UCKL1: variants seen among roughly 807,000 people sequenced by gnomAD.
The protein encoded by UCKL1 is uridine-cytidine kinase-like 1.
In UCKL1, 65 loss-of-function variants were observed where a neutral mutation model predicts 59.2. That is an observed-to-expected ratio of 1.10 (90% CI 0.90 to 1.35). UCKL1 has a LOEUF of 1.35. UCKL1 is among the 40% of genes most tolerant of loss of function. The pLI is 0.00. For missense variants in UCKL1, 703 were observed against 784.3 expected (o/e 0.90, Z 1.24); for synonymous variants, 410 against 323.1 (o/e 1.27, Z -2.88).
chr20:63,944,396 C>T lies in UCKL1; in HGVS notation c.906+1G>A, dbSNP rs2055555073. Reference sequence around the variant, plus strand: ...CCGTGGGGACGTGGGACCCCGCTCACCTCCTCCAGCTGGCTGTGCACGTGC... The same window carrying T: ...CCGTGGGGACGTGGGACCCCGCTCATCTCCTCCAGCTGGCTGTGCACGTGC... On this transcript the variant is annotated splice_donor_variant, in intron 7 of 14. Coordinates refer to ENST00000354216, the MANE Select transcript of UCKL1 (RefSeq NM_017859.4). LOFTEE classifies it high-confidence loss of function. 1.3e-6 allele frequency: 2 copies of T among 1,559,826 alleles called. No homozygotes were observed. Among genetic ancestry groups the T allele is most frequent in the Non-Finnish European group, 1.7e-6 (2 of 1,153,206 alleles).
chr20:63,950,157 T>C (rs940661657), intron 1 of UCKL1, among the ~76,000 whole-genome samples: 5 of 152,166 alleles, frequency 3.3e-5, no homozygotes, highest in African/African-American at 9.7e-5. Flanking sequence ...GAAGCCCGCC[T>C]CACCGCAGGC....
chr20:63,943,027 C>T (rs1455319650), intron 8 of UCKL1, among the ~76,000 whole-genome samples: 1 of 152,208 alleles, frequency 6.6e-6, no homozygotes, highest in East Asian at 1.9e-4. Context: ...CCACAGAAGG[C>T]AGGGAGAAGG....
chr20:63,946,629 G>T lies in UCKL1; in HGVS notation c.128C>A (p.Ser43Tyr). ...CACAGGTGGCAGGAGCCTGTCCAGG[G>T]ACTCTGCATTGCTGCTGCAGAGAGG... ...TACEDRSNAE[S>Y]LDRLLPPVGT... The change falls in exon 2 of 15, where the codon TCC becomes TAC. Residue 43 changes from serine to tyrosine, a missense_variant. By Grantham distance (144) the Ser-to-Tyr change is moderately radical. Transcript: ENST00000354216. The T allele has an allele frequency of 6.2e-7, 1 of 1,608,796 alleles. No individual in the cohort carries two copies.
At chr20:63,956,084 C>T (rs1330356226) in intron 1 of UCKL1, 176 bp downstream of exon 1, 7 of 555,492 alleles carry the variant, frequency 1.3e-5, no homozygotes, top group Non-Finnish European at 2.0e-5. Context: ...TCCGTCCTCC[C>T]GGCCGCTTCA....
intron 8 of UCKL1, 125 bp from the exon 9 acceptor site, chr20:63,941,333 G>C: frequency 7.1e-7 from 1 of 1,404,590 alleles, no homozygotes; most frequent in Non-Finnish European, 9.6e-7. Flanking sequence ...GAGGTGCAGA[G>C]CGGGCCTGAC....
At chr20:63,946,725 C>A in intron 1 of UCKL1, 82 bp from the exon 2 acceptor site, 15 of 386,498 alleles carry the variant, frequency 3.9e-5, no homozygotes, top group Non-Finnish European at 5.6e-5. Context: ...CCACAGGGCA[C>A]CCCCCCCACC....
Position 63,945,796 on chromosome 20 carries a change from C to CT in UCKL1, c.582+8dup, listed in dbSNP as rs1271023464. ...CCCCCGAGGCCCCCTCTGCAGGGCC[C>CT]TGGCCTACCCAGTCCTTCTTCCGGC... On this transcript the variant is annotated intron_variant, in intron 4 of 14. Transcript: ENST00000354216. 1 of 1,613,512 alleles carries CT rather than the reference C, an allele frequency of 6.2e-7. No homozygotes were observed. The highest frequency in any genetic ancestry group is 1.3e-5 in the African/African-American group (1 of 75,054).
intron 7 of UCKL1, among the ~76,000 whole-genome samples, chr20:63,943,949 T>A (rs879430641): frequency 2.4e-4 from 36 of 152,076 alleles, no homozygotes; most frequent in Non-Finnish European, 4.6e-4. Context: ...CCACTCAGGC[T>A]CCAAGGCCCA....
In UCKL1 at chr20:63,946,087, G is replaced by A; in HGVS notation, c.411+74C>T. The A allele has an allele frequency of 2.5e-6, 4 of 1,608,288 alleles. No homozygotes were observed. In the Admixed American group the frequency reaches 6.7e-5, roughly 27 times the overall value. ...CAGCCACGCTGGGGCTGAGACCAGG[G>A]ACCTACTTTTGCAGGGGGTCCAGGG... On this transcript the variant is annotated intron_variant, in intron 3 of 14. Coordinates refer to ENST00000354216, the MANE Select transcript of UCKL1 (RefSeq NM_017859.4).
chr20:63,947,008 C>T (rs868339021), intron 1 of UCKL1, among the ~76,000 whole-genome samples: 7 of 151,882 alleles, frequency 4.6e-5, no homozygotes, highest in South Asian at 2.1e-4. Flanking sequence ...GGCTTGAACC[C>T]GGGAGGTGGA....
At chr20:63,941,671 G>T (rs1273751515) in intron 8 of UCKL1, 3 of 216,524 alleles carry the variant, frequency 1.4e-5, no homozygotes, top group East Asian at 1.8e-4. Flanking sequence ...CCTCAAGAGA[G>T]GGGGGTGGGG....
intron 5 of UCKL1, 73 bp from the exon 6 acceptor site, chr20:63,944,807 C>A (rs2146493755): frequency 6.4e-7 from 1 of 1,558,588 alleles, no homozygotes; most frequent in East Asian, 2.3e-5. Flanking sequence ...CCAGCCCCTG[C>A]ACTGAGGCCG....
In UCKL1 at chr20:63,946,479, G is replaced by T. The variant is rs138290089; in HGVS notation, c.278C>A (p.Thr93Lys). The change falls in exon 2 of 15, where the codon ACG becomes AAG. Residue 93 changes from threonine (T) to lysine (K), a missense_variant. Coordinates refer to ENST00000354216, the MANE Select transcript of UCKL1 (RefSeq NM_017859.4). ...GRPPWYNEHG[T>K]QSKEAFAIGL... ...GATGGCGAAGGCCTCTTTGGATTGC[G>T]TGCCGTGTTCATTGTACCAGGGCGG... The T allele has an allele frequency of 6.4e-7, 1 of 1,573,768 alleles. No homozygotes were observed. Among genetic ancestry groups the T allele is most frequent in the Non-Finnish European group, 8.6e-7 (1 of 1,159,354 alleles).
In UCKL1 at chr20:63,946,516, T is replaced by C; in HGVS notation, c.241A>G (p.Thr81Ala). The change falls in exon 2 of 15, where the codon ACC becomes GCC. Residue 81 changes from threonine to alanine, a missense_variant. Coordinates refer to ENST00000354216, the MANE Select transcript of UCKL1 (RefSeq NM_017859.4). ...LLRTSKRTIY[T>A]AGRPPWYNEH... ...TTGTACCAGGGCGGCCGCCCGGCGG[T>C]GTAGATGGTACGCTTGCTTGTACGC... is the stretch of plus-strand genomic sequence containing the variant. The C allele has an allele frequency of 6.2e-7, 1 of 1,601,754 alleles. No individual in the cohort carries two copies. Among genetic ancestry groups the C allele is most frequent in the Non-Finnish European group, 8.5e-7 (1 of 1,174,418 alleles).
intron 1 of UCKL1, chr20:63,951,030 C>T (rs1389706677): frequency 1.0e-5 from 13 of 1,250,386 alleles, no homozygotes; most frequent in East Asian, 9.7e-5. Flanking sequence ...GGTGCAGAGC[C>T]GGGTGGCTGG....
chr20:63,942,566 CAA>C (rs1393464408), intron 8 of UCKL1: 1 of 972,222 alleles, frequency 1.0e-6, no homozygotes, highest in African/African-American at 1.7e-5. Flanking sequence ...AGGAAGAGAA[CAA>C]AGAGAAGGCT....
rs35264801 is a variant in UCKL1 at position 63,940,064 on chromosome 20, A to AGG, written c.1568-11_1568-10dup. ...GCGGTCGCCAAAGTTCCCTGGAAAA[A>AGG]GGGGGGGGGGGGTCCAGTGTGGTGG... On this transcript the variant is annotated splice_polypyrimidine_tract_variant and intron_variant, in intron 14 of 14. Coordinates refer to ENST00000354216, the MANE Select transcript of UCKL1 (RefSeq NM_017859.4). 1.1e-3 allele frequency: 1,676 copies of AGG among 1,508,996 alleles called. No homozygotes were observed. Among genetic ancestry groups the AGG allele is most frequent in the East Asian group, 4.0e-3 (171 of 42,350 alleles). 93.5% of individuals were successfully genotyped at this position (1,508,996 alleles called of 1,614,324 possible). A position where few individuals can be genotyped will look rare whatever the true frequency, so the allele number is the denominator to read the frequency against.
rs954394694 is a variant in UCKL1 at position 63,944,400 on chromosome 20, C to T, written c.903G>A (p.Glu301=). The change falls in exon 7 of 15, where the codon GAG becomes GAA. Residue 301 remains glutamate, a synonymous_variant. Coordinates refer to ENST00000354216, the MANE Select transcript of UCKL1 (RefSeq NM_017859.4). ...LIVQHVHSQL[E]ERELSVRAAL... The stretch of plus-strand genomic sequence containing the variant: ...GGGGACGTGGGACCCCGCTCACCTC[C>T]TCCAGCTGGCTGTGCACGTGCTGCA... The T allele has an allele frequency of 3.8e-6, 6 of 1,562,238 alleles. No individual in the cohort carries two copies. The highest frequency in any genetic ancestry group is 4.3e-6 in the Non-Finnish European group (5 of 1,154,342).
At position 63,956,279 on chromosome 20, in the gene UCKL1, C is replaced by A; in HGVS notation, c.94G>T (p.Glu32Ter). 1 of 1,556,472 alleles carries A rather than the reference C, an allele frequency of 6.4e-7. No homozygotes were observed. Among genetic ancestry groups the A allele is most frequent in the South Asian group, 1.2e-5 (1 of 84,220 alleles). Residue 32 changes from glutamate to a stop codon, truncating the protein, a stop_gained, in exon 1 of 15, where the codon GAG (glutamate) becomes TAG (stop). Coordinates refer to ENST00000354216, the MANE Select transcript of UCKL1 (RefSeq NM_017859.4). LOFTEE classifies it high-confidence loss of function. ...DTPGRQAEKSETACEDRSNAE... is the reference protein window; with the variant it reads ...DTPGRQAEKS ...GCCTACCGGTCCTCGCACGCGGTCTCGCTTTTCTCAGCCTGCCGGCCTGGT... is the reference window on the plus strand; with the variant it reads ...GCCTACCGGTCCTCGCACGCGGTCTAGCTTTTCTCAGCCTGCCGGCCTGGT...
Sources: allele counts gnomAD v4.1 joint callset (sites outside exome capture counted in the v4.1 genomes callset), GRCh38; gene constraint gnomAD v4.1.1; transcripts MANE v1.5; gene names NCBI Gene and HGNC (gene_info 2026-07-23, HGNC 2026-07-21).